Variants in COL11A1 observed in about 807,000 individuals in gnomAD.
The protein encoded by COL11A1 is collagen alpha-1(XI) chain.
In COL11A1, 74 loss-of-function variants were observed where a neutral mutation model predicts 265.2. That is an observed-to-expected ratio of 0.28 (90% CI 0.23 to 0.34). The LOEUF is 0.34. Among genes scored for constraint, COL11A1 ranks in the 10% least tolerant of loss-of-function variants. COL11A1 has a pLI of 1.00. For synonymous variants in COL11A1, 816 were observed against 727.6 expected (o/e 1.12, Z -1.96); for missense variants, 2,165 against 2,263.6 (o/e 0.96, Z 0.88).
chr1:102,950,782 A>G (rs907142012), intron 41 of COL11A1, among the ~76,000 whole-genome samples: 1 of 152,074 alleles, frequency 6.6e-6, no homozygotes, highest in Non-Finnish European at 1.5e-5. Context: ...CCCCACCCAA[A>G]TCTCATCTTG....
At chr1:102,884,490 C>T (rs1417336738) in intron 63 of COL11A1, 1 of 152,252 alleles carries the variant, frequency 6.6e-6, no homozygotes, top group Non-Finnish European at 1.5e-5. Context: ...TGGTGACCAG[C>T]AGCTTCTTTA....
chr1:102,915,166 G>A (rs1311236617), intron 50 of COL11A1, among the ~76,000 whole-genome samples: 1 of 152,042 alleles, frequency 6.6e-6, no homozygotes, highest in Non-Finnish European at 1.5e-5. Context: ...GAAGTCCAAT[G>A]GTATCCCTGG....
At chr1:103,100,242 C>A (rs1374699899) in intron 1 of COL11A1, 7 of 151,904 alleles carry the variant, frequency 4.6e-5, no homozygotes, top group Non-Finnish European at 1.0e-4. Flanking sequence ...ATACACCAAT[C>A]CCCAAAAGTA....
At chr1:102,981,270 G>A (rs1388497214) in intron 31 of COL11A1, among the ~76,000 whole-genome samples, 1 of 152,004 alleles carries the variant, frequency 6.6e-6, no homozygotes, top group Non-Finnish European at 1.5e-5. Context: ...ACATTTTGAA[G>A]AGCTTTCAAA....
chr1:102,984,012 T>C, intron 31 of COL11A1, 126 bp downstream of exon 31: 1 of 710,484 alleles, frequency 1.4e-6, no homozygotes. Flanking sequence ...CTCTATGATT[T>C]TCCTTGTGAA....
intron 1 of COL11A1, among the ~76,000 whole-genome samples, chr1:103,094,017 G>A (rs989238458): frequency 3.9e-5 from 6 of 152,218 alleles, no homozygotes; most frequent in African/African-American, 1.2e-4. Context: ...AAGCCATCAA[G>A]CCTGAAGCAA....
Position 103,025,525 on chromosome 1 carries a change from T to G in COL11A1, c.986A>C (p.Asn329Thr). 6.2e-7 allele frequency: 1 copy of G among 1,608,744 alleles called. No individual in the cohort carries two copies. Among genetic ancestry groups the G allele is most frequent in the Non-Finnish European group, 8.5e-7 (1 of 1,175,438 alleles). Reference protein sequence around the residue: ...TEAPRHVSGTNEPNPVEEIFT... With the variant: ...TEAPRHVSGTTEPNPVEEIFT... ...AATACTGTCTATACGTATTACCTCATTTGTCCCAGAAACATGCCTAGGAGC... is the reference window on the plus strand; with the variant it reads ...AATACTGTCTATACGTATTACCTCAGTTGTCCCAGAAACATGCCTAGGAGC... The change falls in exon 7 of 67, where the codon AAT (asparagine) becomes ACT (threonine). Residue 329 changes from asparagine (N) to threonine (T), a missense_variant. Asn to Thr is a moderately conservative substitution (Grantham distance 65). Transcript: ENST00000370096.
intron 5 of COL11A1, chr1:103,030,815 C>T (rs965387084): frequency 8.1e-5 from 29 of 358,490 alleles, no homozygotes; most frequent in African/African-American, 4.5e-4. Context: ...TGCTAATGGT[C>T]GAAATATCGC....
intron 3 of COL11A1, among the ~76,000 whole-genome samples, chr1:103,076,285 G>T (rs1340153963): frequency 6.6e-6 from 1 of 151,966 alleles, no homozygotes; most frequent in East Asian, 1.9e-4. Context: ...TCTCAATTTA[G>T]TACAAGCTGC....
intron 57 of COL11A1, among the ~76,000 whole-genome samples, chr1:102,897,417 C>T (rs930863943): frequency 2.0e-5 from 3 of 150,562 alleles, no homozygotes; most frequent in Non-Finnish European, 4.4e-5. Flanking sequence ...TAATGACACT[C>T]AAAAATCTCT....
At chr1:102,981,670 G>A (rs997704185) in intron 31 of COL11A1, among the ~76,000 whole-genome samples, 1 of 151,678 alleles carries the variant, frequency 6.6e-6, no homozygotes, top group Admixed American at 6.6e-5. Flanking sequence ...AGTATTACCC[G>A]TTTTTATATG....
chr1:103,049,485 A>G (rs1669604184), intron 4 of COL11A1, among the ~76,000 whole-genome samples: 2 of 152,064 alleles, frequency 1.3e-5, no homozygotes, highest in South Asian at 4.1e-4. Context: ...TTTTGAGCCT[A>G]TGTGTATCTC....
chr1:103,087,971 T>A (rs1038126405), intron 1 of COL11A1, among the ~76,000 whole-genome samples: 6 of 152,144 alleles, frequency 3.9e-5, no homozygotes, highest in Non-Finnish European at 7.4e-5. Flanking sequence ...GTGTCGAAAT[T>A]AAATTTTTTT....
At chr1:102,979,537 A>G (rs2101684766) in intron 31 of COL11A1, 102 bp from the exon 32 acceptor site, 1 of 788,552 alleles carries the variant, frequency 1.3e-6, no homozygotes, top group Middle Eastern at 2.2e-4. Context: ...ACAGCTGTTA[A>G]TATTTAAATC....
In COL11A1 at chr1:102,930,979, CT is replaced by C. The variant is rs1364752336; in HGVS notation, c.3600+3469del. Among the ~76,000 whole-genome samples the C allele has an allele frequency of 2.7e-5, 4 of 149,504 alleles. No homozygotes were observed. In the East Asian group the frequency reaches 5.9e-4, roughly 22 times the overall value. On this transcript the variant is annotated intron_variant, in intron 46 of 66. Coordinates refer to ENST00000370096, the MANE Select transcript of COL11A1 (RefSeq NM_001854.4). ...TTTATTGCGTCTATTTGATTCTTCTCTCTTTTTTTCTTTATTAGTCTTGCTA... is the reference window on the plus strand; with the variant it reads ...TTTATTGCGTCTATTTGATTCTTCTCCTTTTTTTCTTTATTAGTCTTGCTA...
intron 9 of COL11A1, among the ~76,000 whole-genome samples, chr1:103,020,001 G>A (rs929549839): frequency 4.2e-5 from 6 of 142,834 alleles, no homozygotes; most frequent in African/African-American, 1.5e-4. Context: ...TTGGACATTT[G>A]GGTTGGTTCC....
At chr1:103,106,894 C>T (rs1674735272) in intron 1 of COL11A1, among the ~76,000 whole-genome samples, 2 of 152,148 alleles carry the variant, frequency 1.3e-5, no homozygotes, top group African/African-American at 4.8e-5. Flanking sequence ...CAAGTTTCTG[C>T]TAAAGCCTAC....
intron 46 of COL11A1, among the ~76,000 whole-genome samples, chr1:102,927,831 T>A (rs1458117508): frequency 6.6e-6 from 1 of 152,212 alleles, no homozygotes. Context: ...CGATCTTAAA[T>A]GATCGACTTA....
At chr1:102,896,203 A>G (rs1478059344) in intron 57 of COL11A1, among the ~76,000 whole-genome samples, 1 of 87,470 alleles carries the variant, frequency 1.1e-5, no homozygotes, top group African/African-American at 4.0e-5. Flanking sequence ...TAAATGAAGA[A>G]CTTAAAGCCA....
Sources: gnomAD v4.1 joint callset for allele counts (sites outside exome capture counted in the v4.1 genomes callset) on GRCh38, gnomAD v4.1.1 for gene constraint, MANE v1.5 for transcripts, NCBI Gene and HGNC (gene_info 2026-07-23, HGNC 2026-07-21) for gene names.